ADAMTSL3: variants seen among roughly 807,000 people sequenced by gnomAD.
ADAMTSL3 encodes the protein ADAMTS-like protein 3.
In ADAMTSL3, 128 loss-of-function variants were observed where a neutral mutation model predicts 201.7. That is an observed-to-expected ratio of 0.63 (90% CI 0.55 to 0.73). ADAMTSL3 has a LOEUF of 0.73. Ranked by LOEUF, ADAMTSL3 falls within the 30% of genes least tolerant of loss-of-function variation. ADAMTSL3 has a pLI of 0.00. For synonymous variants in ADAMTSL3, 738 were observed against 748.4 expected, an observed-to-expected ratio of 0.99 and a Z score of 0.23; for missense variants, 1,990 against 2,119.6, an observed-to-expected ratio of 0.94 and a Z score of 1.20.
intron 4 of ADAMTSL3, among the ~76,000 whole-genome samples, chr15:83,776,225 G>T (rs1165610146): frequency 6.6e-6 from 1 of 152,146 alleles, no homozygotes; most frequent in East Asian, 1.9e-4. Context: ...AGAATGAGAG[G>T]TAGGCTCACA....
chr15:83,925,754 A>G (rs6603007), intron 17 of ADAMTSL3, among the ~76,000 whole-genome samples: 52,266 of 152,052 alleles, frequency 0.34, 9,731 homozygotes, highest in Admixed American at 0.47. Context: ...TTATTTATCT[A>G]TGTTTCTCAG....
chr15:84,003,804 C>T (rs1202050158), intron 23 of ADAMTSL3, among the ~76,000 whole-genome samples: 1 of 152,178 alleles, frequency 6.6e-6, no homozygotes, highest in African/African-American at 2.4e-5. Flanking sequence ...GGAACAGCAT[C>T]CATTATAAAA....
chr15:83,715,603 G>T (rs555830611), intron 3 of ADAMTSL3, among the ~76,000 whole-genome samples: 64 of 152,256 alleles, frequency 4.2e-4, no homozygotes, highest in African/African-American at 1.5e-3. Flanking sequence ...CATCACTATA[G>T]CTCCAGATTG....
intron 2 of ADAMTSL3, among the ~76,000 whole-genome samples, chr15:83,677,521 C>T (rs980496856): frequency 8.0e-5 from 12 of 150,646 alleles, no homozygotes; most frequent in South Asian, 2.2e-4. Context: ...TCTATGTCTC[C>T]GATATTTTTC....
At chr15:83,675,732 A>T (rs1318302946) in intron 2 of ADAMTSL3, among the ~76,000 whole-genome samples, 4 of 151,744 alleles carry the variant, frequency 2.6e-5, no homozygotes, top group Non-Finnish European at 5.9e-5. Context: ...TGGATATTTC[A>T]TTTTTGACAG....
chr15:83,801,671 T>TATAC lies in ADAMTSL3; in HGVS notation c.318-2976_318-2975insCATA, dbSNP rs1486016812. Among the ~76,000 whole-genome samples, 2 of 66,780 alleles carry TATAC rather than the reference T, an allele frequency of 3.0e-5. 1 individual carries two copies. The highest frequency in any genetic ancestry group is 3.4e-4 in the Admixed American group (2 of 5,892). 43.8% of individuals were successfully genotyped at this position (66,780 alleles called of 152,430 possible). A position where few individuals can be genotyped will look rare whatever the true frequency, so the allele number is the denominator to read the frequency against. Reference sequence around the variant, plus strand: ...ATATAAATATATATATATATATATATATATATATATATATATATATATATG... The same window carrying TATAC: ...ATATAAATATATATATATATATATATATACATATATATATATATATATATATATG... On this transcript the variant is annotated intron_variant, in intron 4 of 29. Coordinates refer to ENST00000286744, the MANE Select transcript of ADAMTSL3 (RefSeq NM_207517.3).
chr15:83,889,835 T>G (rs539114773), intron 10 of ADAMTSL3, among the ~76,000 whole-genome samples: 11 of 152,280 alleles, frequency 7.2e-5, no homozygotes, highest in African/African-American at 2.6e-4. Context: ...GGCCACGCAT[T>G]TTAGTCATCT....
At chr15:84,006,804 T>C (rs1356852386) in intron 23 of ADAMTSL3, among the ~76,000 whole-genome samples, 10 of 152,180 alleles carry the variant, frequency 6.6e-5, no homozygotes, top group African/African-American at 2.4e-4. Flanking sequence ...GCCTGTTCAG[T>C]TCTTTGAAAA....
intron 3 of ADAMTSL3, among the ~76,000 whole-genome samples, chr15:83,761,499 C>T (rs2062808150): frequency 6.6e-6 from 1 of 152,102 alleles, no homozygotes; most frequent in Non-Finnish European, 1.5e-5. Context: ...TCTCTTTTGT[C>T]TGACAATCTC....
At chr15:83,698,623 C>T (rs2061720835) in intron 2 of ADAMTSL3, among the ~76,000 whole-genome samples, 1 of 80,254 alleles carries the variant, frequency 1.2e-5, no homozygotes, top group Non-Finnish European at 2.7e-5. Context: ...GTGAGGGCCA[C>T]ATGCCACTGA....
At chr15:83,833,157 T>C (rs2064191715) in intron 6 of ADAMTSL3, among the ~76,000 whole-genome samples, 3 of 152,190 alleles carry the variant, frequency 2.0e-5, no homozygotes, top group African/African-American at 7.2e-5. Flanking sequence ...TTGAAGAGGC[T>C]AAGTAAATTG....
chr15:83,917,712 T>A (rs8029016), intron 16 of ADAMTSL3, among the ~76,000 whole-genome samples: 1 of 151,414 alleles, frequency 6.6e-6, no homozygotes, highest in African/African-American at 2.4e-5. Flanking sequence ...AGTATATATA[T>A]GGACATTTGA....
intron 19 of ADAMTSL3, among the ~76,000 whole-genome samples, chr15:83,967,128 A>T (rs572246858): frequency 6.6e-6 from 1 of 152,328 alleles, no homozygotes; most frequent in East Asian, 1.9e-4. Context: ...CAGGACAAGG[A>T]TGCCCTCTCT....
At chr15:83,770,805 C>T (rs2062969618) in intron 3 of ADAMTSL3, among the ~76,000 whole-genome samples, 1 of 152,196 alleles carries the variant, frequency 6.6e-6, no homozygotes, top group South Asian at 2.1e-4. Flanking sequence ...CATGGTGGCT[C>T]ATGCCTGTAA....
At chr15:83,906,521 T>C (rs2065834996) in intron 15 of ADAMTSL3, among the ~76,000 whole-genome samples, 1 of 152,020 alleles carries the variant, frequency 6.6e-6, no homozygotes, top group South Asian at 2.1e-4. Context: ...ACATGTAATA[T>C]GCTTAGCATA....
chr15:84,037,174 C>T (rs1415837328), intron 29 of ADAMTSL3, among the ~76,000 whole-genome samples, 187 bp downstream of exon 29: 1 of 152,128 alleles, frequency 6.6e-6, no homozygotes, highest in Non-Finnish European at 1.5e-5. Context: ...GGTGCAGCTG[C>T]ATGTTCTCTA....
intron 2 of ADAMTSL3, among the ~76,000 whole-genome samples, chr15:83,699,540 T>A (rs552239441): frequency 6.6e-6 from 1 of 152,364 alleles, no homozygotes; most frequent in Admixed American, 6.5e-5. Context: ...TCTTTGTGAT[T>A]CCACTTTACC....
intron 5 of ADAMTSL3, among the ~76,000 whole-genome samples, chr15:83,819,124 G>A (rs2063813972): frequency 1.3e-5 from 2 of 152,024 alleles, no homozygotes; most frequent in Admixed American, 1.3e-4. Context: ...ACAAAAATAA[G>A]CTGGGCGTGG....
chr15:83,833,705 T>A (rs1284450927), intron 6 of ADAMTSL3, among the ~76,000 whole-genome samples: 1 of 152,212 alleles, frequency 6.6e-6, no homozygotes, highest in Non-Finnish European at 1.5e-5. Flanking sequence ...AACAGTCAGT[T>A]CAACAGATGA....
Sources: gnomAD v4.1 joint callset for allele counts (sites outside exome capture counted in the v4.1 genomes callset) on GRCh38, gnomAD v4.1.1 for gene constraint, MANE v1.5 for transcripts, NCBI Gene and HGNC (gene_info 2026-07-23, HGNC 2026-07-21) for gene names.